Variants in STX17 observed in about 807,000 individuals in gnomAD.
The protein encoded by STX17 is syntaxin-17.
A neutral mutation model predicts 35.9 loss-of-function variants in STX17; 29 were observed. The observed-to-expected ratio is 0.81, with a 90% CI of 0.60 to 1.10. STX17 has a LOEUF of 1.10. STX17 is among the 50% of genes least tolerant of loss of function. The probability of loss-of-function intolerance (pLI) is 0.00; values close to 1 mark genes in which losing one functional copy is unlikely to be tolerated. For synonymous variants in STX17, 92 were observed against 118.3 expected (o/e 0.78, Z 1.44); for missense variants, 312 against 352.3 (o/e 0.89, Z 0.92).
At chr9:99,951,660 AG>A (rs200689012) in intron 4 of STX17, among the ~76,000 whole-genome samples, 7 of 151,880 alleles carry the variant, frequency 4.6e-5, no homozygotes, top group African/African-American at 1.2e-4. Flanking sequence ...TGATTTTCAG[AG>A]GGGATGTTAG....
chr9:99,938,000 G>T (rs947398517), intron 3 of STX17: 2 of 152,226 alleles, frequency 1.3e-5, no homozygotes, highest in Non-Finnish European at 2.9e-5. Context: ...ACCTTTTTGA[G>T]TGCACTACTC....
intron 3 of STX17, among the ~76,000 whole-genome samples, chr9:99,931,884 G>A (rs1225466719): frequency 6.6e-6 from 1 of 152,104 alleles, no homozygotes; most frequent in Non-Finnish European, 1.5e-5. Flanking sequence ...GTCTATGGGT[G>A]TAATAGGTTT....
chr9:99,920,217 G>C (rs1828861358), intron 2 of STX17, among the ~76,000 whole-genome samples: 1 of 152,214 alleles, frequency 6.6e-6, no homozygotes, highest in African/African-American at 2.4e-5. Context: ...GTTCTGGCCA[G>C]TTATACCTGA....
At chr9:99,942,298 T>A (rs941269360) in intron 3 of STX17, among the ~76,000 whole-genome samples, 2 of 152,222 alleles carry the variant, frequency 1.3e-5, no homozygotes, top group African/African-American at 4.8e-5. Flanking sequence ...TGTATTTTTT[T>A]ATATTGATTT....
Position 99,950,918 on chromosome 9 carries a change from A to G in STX17, c.190-142A>G. ...GCATTTGGCCAGCCAGAGACATGGA[A>G]AATGTAAAAGTATTATGCTACACCT... On this transcript the variant is annotated intron_variant, in intron 3 of 7. Coordinates refer to ENST00000259400, the MANE Select transcript of STX17 (RefSeq NM_017919.3). 3.8e-6 allele frequency: 3 copies of G among 794,696 alleles called. No individual in the cohort carries two copies. In the South Asian group the frequency reaches 6.3e-5, roughly 17 times the overall value. 49.2% of individuals were successfully genotyped at this position (794,696 alleles called of 1,614,324 possible).
At chr9:99,964,882 G>A (rs1469792685) in intron 6 of STX17, among the ~76,000 whole-genome samples, 1 of 152,128 alleles carries the variant, frequency 6.6e-6, no homozygotes, top group African/African-American at 2.4e-5. Context: ...GGGTCAGTGA[G>A]TCCTCCTTAC....
chr9:99,922,308 G>A (rs1366916077), intron 2 of STX17, among the ~76,000 whole-genome samples: 1 of 152,102 alleles, frequency 6.6e-6, no homozygotes, highest in East Asian at 1.9e-4. Flanking sequence ...GAGAGTGGAG[G>A]GGTAGAAAAT....
At chr9:99,953,629 G>T (rs187480904) in intron 4 of STX17, among the ~76,000 whole-genome samples, 10 of 152,012 alleles carry the variant, frequency 6.6e-5, no homozygotes, top group African/African-American at 2.2e-4. Flanking sequence ...GTGATTAAGG[G>T]CTCATCTTAT....
chr9:99,945,109 T>C (rs961309373), intron 3 of STX17, among the ~76,000 whole-genome samples: 63 of 152,296 alleles, frequency 4.1e-4, no homozygotes, highest in African/African-American at 1.4e-3. Flanking sequence ...TTCTATATAA[T>C]TTATATCTAG....
chr9:99,919,009 T>G (rs1828839846), intron 2 of STX17, among the ~76,000 whole-genome samples: 1 of 152,136 alleles, frequency 6.6e-6, no homozygotes, highest in South Asian at 2.1e-4. Context: ...TTGTCCAGGC[T>G]TAATCTTCCT....
At chr9:99,939,186 G>C (rs566714600) in intron 3 of STX17, among the ~76,000 whole-genome samples, 1 of 152,202 alleles carries the variant, frequency 6.6e-6, no homozygotes, top group Non-Finnish European at 1.5e-5. Context: ...GAGGAGAGTG[G>C]AGAAGCAAAT....
chr9:99,909,090 T>C (rs1229819118), intron 1 of STX17, among the ~76,000 whole-genome samples: 1 of 152,258 alleles, frequency 6.6e-6, no homozygotes, highest in East Asian at 1.9e-4. Context: ...ATTTCTGACC[T>C]ATGTTCCTGT....
At chr9:99,908,308 T>G (rs879742667) in intron 1 of STX17, among the ~76,000 whole-genome samples, 1 of 152,248 alleles carries the variant, frequency 6.6e-6, no homozygotes, top group Non-Finnish European at 1.5e-5. Flanking sequence ...GACTTTCCCT[T>G]GCTAAATTTC....
chr9:99,961,452 T>C (rs1829824609), intron 6 of STX17, among the ~76,000 whole-genome samples: 1 of 152,236 alleles, frequency 6.6e-6, no homozygotes, highest in East Asian at 1.9e-4. Flanking sequence ...TAATTGGGTG[T>C]CAGTGATACT....
chr9:99,929,859 A>C (rs2118376566), intron 3 of STX17: 1 of 151,008 alleles, frequency 6.6e-6, no homozygotes, highest in East Asian at 1.9e-4. Flanking sequence ...AATTTTCTCT[A>C]AATGCTCCAT....
In STX17 at chr9:99,970,123, G is replaced by T. The variant is rs1404792893; in HGVS notation, c.*1450G>T. ...GGGATGGGCACCTGCACCCCAGAAGGTGTGAGCTGTCTCTCTGCCAGGAGC... is the reference window on the plus strand; with the variant it reads ...GGGATGGGCACCTGCACCCCAGAAGTTGTGAGCTGTCTCTCTGCCAGGAGC... On this transcript the variant is annotated 3_prime_UTR_variant, in exon 8 of 8. Transcript: ENST00000259400. The T allele has an allele frequency of 6.6e-6, 1 of 152,242 alleles. No homozygotes were observed. The highest frequency in any genetic ancestry group is 1.5e-5 in the Non-Finnish European group (1 of 68,060). The allele number at this position is 152,242 out of a possible 1,614,324, so 9.4% of individuals were successfully genotyped here.
Position 99,915,262 on chromosome 9 carries a change from T to C in STX17, c.23T>C (p.Val8Ala). MSEDEEK[V>A]KLRRLEPAIQ... ...AGGATGTCTGAAGATGAAGAAAAAG[T>C]GAAATTACGCCGTCTTGAACCAGCT... Residue 8 changes from valine (V) to alanine (A), a missense_variant, in exon 2 of 8, where the codon GTG becomes GCG. Val to Ala is a moderately conservative substitution (Grantham distance 64, BLOSUM62 0). Transcript: ENST00000259400. 6.2e-7 allele frequency: 1 copy of C among 1,611,142 alleles called. No individual in the cohort carries two copies. The highest frequency in any genetic ancestry group is 1.1e-5 in the South Asian group (1 of 90,658).
intron 2 of STX17, among the ~76,000 whole-genome samples, chr9:99,918,296 A>C (rs557062341): frequency 6.6e-6 from 1 of 152,120 alleles, no homozygotes; most frequent in South Asian, 2.1e-4. Flanking sequence ...TGTTCAGCTA[A>C]TTTTTAAATA....
rs1275381212 is a variant in STX17 at position 99,971,113 on chromosome 9, TAGTC to T, written c.*2444_*2447del. 2.0e-5 allele frequency among the ~76,000 whole-genome samples: 3 copies of T among 152,354 alleles called. No homozygotes were observed. The highest frequency in any genetic ancestry group is 6.5e-5 in the Admixed American group (1 of 15,296). ...ATAAATGATAAAGTGTTTATAAGCA[TAGTC>T]AGTGTGACACAGAAACCAATCTTAA... On this transcript the variant is annotated 3_prime_UTR_variant, in exon 8 of 8. Coordinates refer to ENST00000259400, the MANE Select transcript of STX17 (RefSeq NM_017919.3).
Sources: gnomAD v4.1 joint callset for allele counts (sites outside exome capture counted in the v4.1 genomes callset) on GRCh38, gnomAD v4.1.1 for gene constraint, MANE v1.5 for transcripts, NCBI Gene and HGNC (gene_info 2026-07-23, HGNC 2026-07-21) for gene names.